The following LIFR variants were observed in gnomAD, a reference collection of about 807,000 sequenced individuals.
The protein encoded by LIFR is LIF receptor subunit alpha.
Under a neutral mutation model 122.2 loss-of-function variants are expected in LIFR, and 84 were observed. That is an observed-to-expected ratio of 0.69 (90% confidence interval 0.58 to 0.82). LIFR has a LOEUF of 0.82. Ranked by LOEUF, LIFR falls within the 40% of genes least tolerant of loss-of-function variation. LIFR has a pLI of 0.00. For synonymous variants in LIFR, 422 were observed against 434.7 expected (o/e 0.97, Z 0.36); for missense variants, 1,294 against 1,311.6 (o/e 0.99, Z 0.21).
chr5:38,527,340 A>G (rs749623041), intron 3 of LIFR, 46 bp from the exon 4 acceptor site: 1 of 1,241,452 alleles, frequency 8.1e-7, no homozygotes. Flanking sequence ...AATTAATAGT[A>G]TAATTTTCAT....
chr5:38,559,292 G>A (rs945588093), upstream of LIFR: 1 of 152,216 alleles, frequency 6.6e-6, no homozygotes, highest in African/African-American at 2.4e-5. Flanking sequence ...GAAAAACGGA[G>A]TTTCTGTAAC....
chr5:38,529,715 C>A (rs931153523), intron 2 of LIFR, among the ~76,000 whole-genome samples: 2 of 152,034 alleles, frequency 1.3e-5, no homozygotes, highest in African/African-American at 4.8e-5. Flanking sequence ...AAAGGTAGTC[C>A]ATCTCAGATT....
At chr5:38,521,753 C>T (rs1401352884) in intron 5 of LIFR, among the ~76,000 whole-genome samples, 1 of 152,142 alleles carries the variant, frequency 6.6e-6, no homozygotes, top group Non-Finnish European at 1.5e-5. Flanking sequence ...ACAGTAGATA[C>T]AATGTGCTGA....
At chr5:38,529,180 G>T (rs181866846) in intron 2 of LIFR, among the ~76,000 whole-genome samples, 104 of 152,008 alleles carry the variant, frequency 6.8e-4, no homozygotes, top group African/African-American at 2.4e-3. Context: ...GGAGTGAGTG[G>T]CTAGTCATGT....
At chr5:38,608,071 G>A (rs902981694) in intron 1 of LIFR, 7 of 152,096 alleles carry the variant, frequency 4.6e-5, no homozygotes, top group African/African-American at 1.4e-4. Flanking sequence ...AGTGATATAA[G>A]CATCATTGCT....
intron 1 of LIFR, 85 bp downstream of exon 1, chr5:38,556,249 C>A (rs1022212104): frequency 3.9e-5 from 6 of 152,100 alleles, no homozygotes; most frequent in African/African-American, 1.4e-4. Flanking sequence ...GCTGCCCCAC[C>A]CCGCCCGGGC....
intron 10 of LIFR, among the ~76,000 whole-genome samples, chr5:38,503,466 T>G (rs1203300681): frequency 1.3e-5 from 2 of 152,188 alleles, no homozygotes; most frequent in Admixed American, 6.5e-5. Context: ...TTTCTAGACA[T>G]CAGTAAATTT....
intron 1 of LIFR, among the ~76,000 whole-genome samples, chr5:38,591,316 G>A (rs1749914805): frequency 6.6e-6 from 1 of 152,192 alleles, no homozygotes; most frequent in African/African-American, 2.4e-5. Context: ...TGGTAATTAT[G>A]TGCACATTAA....
chr5:38,517,870 A>AAAAAAAAAAAAAAAAAAAAAAAAC, intron 5 of LIFR, among the ~76,000 whole-genome samples: 1 of 145,810 alleles, frequency 6.9e-6, no homozygotes, highest in Admixed American at 7.0e-5. Context: ...AAAAAAAAAA[A>AAAAAAAAAAAAAAAAAAAAAAAAC]AAAAAAAAAA....
chr5:38,481,998 T>A lies in LIFR; in HGVS notation c.2891A>T (p.Asp964Val). 2 of 1,614,230 alleles carry A rather than the reference T, an allele frequency of 1.2e-6. No individual in the cohort carries two copies. The highest frequency in any genetic ancestry group is 1.7e-6 in the Non-Finnish European group (2 of 1,180,040). The change falls in exon 20 of 20, where the codon GAT becomes GTT. Residue 964 changes from aspartate (D) to valine (V), a missense_variant. Transcript: ENST00000453190. ...IEEEIPNPAA[D>V]EAGGTAQVIY... ...AACCTGTGCAGTCCCTCCAGCTTCATCTGCGGCTGGGTTTGGTATTTCTTC... is the reference window on the plus strand; with the variant it reads ...AACCTGTGCAGTCCCTCCAGCTTCAACTGCGGCTGGGTTTGGTATTTCTTC...
intron 1 of LIFR, among the ~76,000 whole-genome samples, chr5:38,592,464 CCTGG>C (rs990448568): frequency 1.3e-5 from 2 of 152,016 alleles, no homozygotes; most frequent in African/African-American, 4.8e-5. Context: ...TTGAGACCAG[CCTGG>C]CCAACATGAC....
At position 38,481,363 on chromosome 5, in the gene LIFR, A is replaced by C. The variant is rs1222242591; in HGVS notation, c.*232T>G. 2 of 576,528 alleles carry C rather than the reference A, an allele frequency of 3.5e-6. No individual in the cohort carries two copies. The highest frequency in any genetic ancestry group is 5.8e-5 in the East Asian group (2 of 34,212). 35.7% of individuals were successfully genotyped at this position (576,528 alleles called of 1,614,324 possible). On this transcript the variant is annotated 3_prime_UTR_variant, in exon 20 of 20. Coordinates refer to ENST00000453190, the MANE Select transcript of LIFR (RefSeq NM_001127671.2). ...TACATGAGAATTCTTTGGCTTGATC[A>C]CAAAGAGCTCCCAATCTTGAGTTTT...
chr5:38,517,589 G>A (rs994769130), intron 5 of LIFR, among the ~76,000 whole-genome samples: 3 of 151,962 alleles, frequency 2.0e-5, no homozygotes, highest in Non-Finnish European at 2.9e-5. Flanking sequence ...TGGGCGCGGT[G>A]GCTCATGCCT....
intron 2 of LIFR, among the ~76,000 whole-genome samples, chr5:38,603,012 G>A (rs552301650): frequency 2.0e-5 from 3 of 152,224 alleles, no homozygotes; most frequent in South Asian, 2.1e-4. Context: ...AACATACTGC[G>A]CACGCTTAAT....
In LIFR at chr5:38,572,629, A is replaced by T. The variant is rs1749252003; in HGVS notation, c.-20+22632T>A. Among the ~76,000 whole-genome samples, 3 of 152,286 alleles carry T rather than the reference A, an allele frequency of 2.0e-5. No individual in the cohort carries two copies. In the South Asian group the frequency reaches 6.2e-4, roughly 32 times the overall value. On this transcript the variant is annotated intron_variant, in intron 1 of 19. Coordinates refer to the LIFR transcript ENST00000263409. ...TAGTGCTCCTTCTGTGCGGGCCTGAAGGGGGGTCAGAATATCTTTCCAACG... is the reference window on the plus strand; with the variant it reads ...TAGTGCTCCTTCTGTGCGGGCCTGATGGGGGGTCAGAATATCTTTCCAACG...
intron 1 of LIFR, among the ~76,000 whole-genome samples, chr5:38,583,693 A>G (rs892372066): frequency 6.6e-6 from 1 of 152,196 alleles, no homozygotes; most frequent in African/African-American, 2.4e-5. Context: ...CAACAGGTAT[A>G]TGAAAAGGGT....
intron 1 of LIFR, among the ~76,000 whole-genome samples, chr5:38,531,177 G>A (rs983654200): frequency 6.6e-5 from 10 of 152,094 alleles, no homozygotes; most frequent in Non-Finnish European, 1.5e-4. Flanking sequence ...AAAAAACTAG[G>A]GTAACAGTAT....
chr5:38,482,791 T>C (rs959941487), intron 18 of LIFR, 124 bp from the exon 19 acceptor site: 10 of 486,314 alleles, frequency 2.1e-5, no homozygotes, highest in African/African-American at 2.0e-4. Flanking sequence ...GAGATTAAAA[T>C]GGAAGATCTT....
intron 3 of LIFR, among the ~76,000 whole-genome samples, chr5:38,528,171 G>A (rs898627137): frequency 1.7e-4 from 26 of 152,152 alleles, no homozygotes; most frequent in African/African-American, 6.3e-4. Context: ...CTTTTCTGCT[G>A]AGAAAACTGA....
Sources: gnomAD v4.1 joint callset for allele counts (sites outside exome capture counted in the v4.1 genomes callset) on GRCh38, gnomAD v4.1.1 for gene constraint, MANE v1.5 for transcripts, NCBI Gene and HGNC (gene_info 2026-07-23, HGNC 2026-07-21) for gene names.